Variants in GLI2 observed in about 807,000 individuals in gnomAD.
GLI2 encodes transcription activator GLI2.
In GLI2, 22 loss-of-function variants were observed where a neutral mutation model predicts 78.9. That is an observed-to-expected ratio of 0.28 (90% CI 0.20 to 0.40). GLI2 has a LOEUF of 0.40. GLI2 is among the 10% of genes least tolerant of loss of function. The pLI is 1.00. For synonymous variants in GLI2, 974 were observed against 963.7 expected (o/e 1.01, Z -0.20); for missense variants, 2,097 against 2,213.2 (o/e 0.95, Z 1.05).
chr2:120,962,586 C>T (rs1320060460), intron 5 of GLI2, among the ~76,000 whole-genome samples: 1 of 152,210 alleles, frequency 6.6e-6, no homozygotes, highest in Non-Finnish European at 1.5e-5. Context: ...GGTGGCCAGT[C>T]ACCCGTGGCC....
chr2:120,746,676 TA>T (rs1387231667), intron 1 of GLI2, among the ~76,000 whole-genome samples: 1 of 152,154 alleles, frequency 6.6e-6, no homozygotes, highest in African/African-American at 2.4e-5. Context: ...GTAAAAATAC[TA>T]AAAAAAGCCG....
At chr2:120,820,281 C>G (rs1015012810) in intron 2 of GLI2, among the ~76,000 whole-genome samples, 1 of 152,226 alleles carries the variant, frequency 6.6e-6, no homozygotes, top group Non-Finnish European at 1.5e-5. Flanking sequence ...GCTTTGCTTT[C>G]TTGCCGAGTC....
rs552630227 is a variant in GLI2, at chr2:120,963,465, G to A, written c.644-5249G>A. Among the ~76,000 whole-genome samples, 9 of 152,328 alleles carry A rather than the reference G, an allele frequency of 5.9e-5. No homozygotes were observed. In the South Asian group the frequency reaches 8.3e-4, roughly 14 times the overall value. ...TGTGTGTGTGTGTGTGCGCGCACGC[G>A]CATCCACCTGGGGTATGTGTCTCCA... On this transcript the variant is annotated intron_variant, in intron 5 of 13. Transcript: ENST00000361492.
chr2:120,887,472 C>A (rs949209007), intron 2 of GLI2, among the ~76,000 whole-genome samples: 4 of 152,242 alleles, frequency 2.6e-5, no homozygotes, highest in Admixed American at 2.6e-4. Flanking sequence ...TATGTATAGC[C>A]CACTCCCCGC....
In GLI2 at chr2:120,800,416, C is replaced by T. The variant is rs180897168; in HGVS notation, c.148+2948C>T. Among the ~76,000 whole-genome samples, 117 of 152,112 alleles carry T rather than the reference C, an allele frequency of 7.7e-4. 6 individuals carry two copies. The East Asian group carries it at 0.014, about 18-fold the overall frequency. On this transcript the variant is annotated intron_variant, in intron 2 of 13. Coordinates refer to ENST00000361492, the MANE Select transcript of GLI2 (RefSeq NM_001374353.1). This position sits in a 1 kb window ranked among gnomAD's most constrained non-coding sequence, Gnocchi z 4.1. ...AGGCCTGGCTTGTTCCTCCAAATCC[C>T]GTGACATTGTCCCCCATGGTTCACA...
At chr2:120,922,718 G>A (rs1333138298) in intron 2 of GLI2, among the ~76,000 whole-genome samples, 3 of 152,112 alleles carry the variant, frequency 2.0e-5, no homozygotes, top group African/African-American at 4.8e-5. Context: ...ACACATCACC[G>A]CCAGGACAGG....
chr2:120,775,276 A>C (rs1304618372), intron 1 of GLI2, among the ~76,000 whole-genome samples: 2 of 152,246 alleles, frequency 1.3e-5, no homozygotes, highest in African/African-American at 4.8e-5. Flanking sequence ...CTGCTTAAGC[A>C]GACACAAGAC....
intron 2 of GLI2, among the ~76,000 whole-genome samples, chr2:120,890,016 T>C (rs1677601659): frequency 6.6e-6 from 1 of 152,198 alleles, no homozygotes; most frequent in South Asian, 2.1e-4. Context: ...CACAAATATT[T>C]ATAACAGTTT....
intron 1 of GLI2, among the ~76,000 whole-genome samples, chr2:120,791,526 G>A (rs1311220306): frequency 1.3e-5 from 2 of 152,188 alleles, no homozygotes; most frequent in Non-Finnish European, 2.9e-5. Flanking sequence ...GTGGCGGTGT[G>A]CTCTTCACTC....
intron 3 of GLI2, among the ~76,000 whole-genome samples, chr2:120,934,392 C>A (rs990085120): frequency 6.6e-6 from 1 of 152,220 alleles, no homozygotes; most frequent in African/African-American, 2.4e-5. Context: ...CTGCCTGGCA[C>A]CATCTGACCT....
intron 4 of GLI2, among the ~76,000 whole-genome samples, chr2:120,952,708 G>A (rs1013832302): frequency 6.6e-6 from 1 of 152,216 alleles, no homozygotes; most frequent in Admixed American, 6.5e-5. Flanking sequence ...TGAACTCTGC[G>A]TGCGTCCCCT....
intron 1 of GLI2, among the ~76,000 whole-genome samples, chr2:120,772,244 A>T (rs1452967978): frequency 1.3e-5 from 2 of 152,180 alleles, no homozygotes; most frequent in African/African-American, 4.8e-5. Context: ...GTGAACCTCA[A>T]GACTGGATGC....
intron 2 of GLI2, among the ~76,000 whole-genome samples, chr2:120,818,699 C>A (rs1685622945): frequency 6.6e-6 from 1 of 152,170 alleles, no homozygotes; most frequent in Non-Finnish European, 1.5e-5. Flanking sequence ...GTGTCTCCGC[C>A]CAGGCCCTGT....
chr2:120,864,155 A>G (rs1356669246), intron 2 of GLI2, among the ~76,000 whole-genome samples: 3 of 152,174 alleles, frequency 2.0e-5, no homozygotes, highest in African/African-American at 7.2e-5. Flanking sequence ...GGACACTGGT[A>G]GGATGCCATG....
intron 5 of GLI2, among the ~76,000 whole-genome samples, chr2:120,964,226 G>C (rs987557691): frequency 2.0e-5 from 3 of 152,224 alleles, no homozygotes; most frequent in Non-Finnish European, 2.9e-5. Context: ...GCTGAGGTCT[G>C]AGCAGGCAGA....
chr2:120,851,246 C>G (rs549965033), intron 2 of GLI2, among the ~76,000 whole-genome samples: 8 of 152,340 alleles, frequency 5.3e-5, no homozygotes, highest in African/African-American at 1.9e-4. Flanking sequence ...ACAGGCCTCT[C>G]AGTGGTGTTC....
intron 1 of GLI2, among the ~76,000 whole-genome samples, chr2:120,762,475 C>T (rs1338228733): frequency 6.6e-6 from 1 of 152,192 alleles, no homozygotes; most frequent in South Asian, 2.1e-4. Context: ...GTACCAGGGT[C>T]CACAGCTGAG....
intron 2 of GLI2, among the ~76,000 whole-genome samples, chr2:120,926,815 T>C (rs1450811157): frequency 1.3e-5 from 2 of 152,206 alleles, no homozygotes; most frequent in African/African-American, 4.8e-5. Flanking sequence ...CAGATCCACA[T>C]AGATGTCCAC....
At chr2:120,963,968 G>C (rs1681715313) in intron 5 of GLI2, among the ~76,000 whole-genome samples, 1 of 152,234 alleles carries the variant, frequency 6.6e-6, no homozygotes, top group African/African-American at 2.4e-5. Flanking sequence ...TCTGTGCCAT[G>C]GGTCAGCCCT....
Sources: allele counts gnomAD v4.1 joint callset (sites outside exome capture counted in the v4.1 genomes callset), GRCh38; gene constraint gnomAD v4.1.1; non-coding constraint Gnocchi (gnomAD v3.1); transcripts MANE v1.5; gene names NCBI Gene and HGNC (gene_info 2026-07-23, HGNC 2026-07-21).